IGSF11: variants seen among roughly 807,000 people sequenced by gnomAD.
The protein encoded by IGSF11 is CXADR like 1.
IGSF11 carries 22 observed loss-of-function variants against 41.0 expected under a neutral mutation model. That is an observed-to-expected ratio of 0.54 (90% CI 0.38 to 0.77). The LOEUF (loss-of-function observed/expected upper bound fraction) is 0.77. Ranked by LOEUF, IGSF11 falls within the 30% of genes least tolerant of loss-of-function variation. IGSF11 has a pLI of 0.00. For synonymous variants in IGSF11, 219 were observed against 201.3 expected, an observed-to-expected ratio of 1.09 and a Z score of -0.74; for missense variants, 444 against 530.8, an observed-to-expected ratio of 0.84 and a Z score of 1.61.
At chr3:119,121,010 A>C (rs2107529637) in intron 1 of IGSF11, among the ~76,000 whole-genome samples, 1 of 152,150 alleles carries the variant, frequency 6.6e-6, no homozygotes, top group African/African-American at 2.4e-5. Context: ...ATTAATACAG[A>C]AAAATCAAAC....
At chr3:119,107,427 T>C (rs2077052243), upstream of IGSF11, among the ~76,000 whole-genome samples, 1 of 152,218 alleles carries the variant, frequency 6.6e-6, no homozygotes, top group African/African-American at 2.4e-5. Context: ...CACTTTTTGA[T>C]GGGGTTGTTT....
upstream of IGSF11, among the ~76,000 whole-genome samples, chr3:119,107,243 G>C (rs538673214): frequency 1.3e-5 from 2 of 152,272 alleles, no homozygotes; most frequent in East Asian, 1.9e-4. Flanking sequence ...ATCCTCTCCA[G>C]CACCTGTTGT....
At chr3:119,074,872 CA>C (rs766398715) in intron 1 of IGSF11, among the ~76,000 whole-genome samples, 5 of 150,516 alleles carry the variant, frequency 3.3e-5, no homozygotes, top group Admixed American at 6.6e-5. Context: ...ATAAAATAAA[CA>C]AAAAAAAAGT....
At chr3:118,916,877 T>C (rs1168296349) in intron 4 of IGSF11, among the ~76,000 whole-genome samples, 1 of 151,820 alleles carries the variant, frequency 6.6e-6, no homozygotes, top group African/African-American at 2.4e-5. Context: ...CCTCAGCAAA[T>C]GTGAAAGAAC....
intron 1 of IGSF11, among the ~76,000 whole-genome samples, chr3:119,064,137 T>A (rs959523651): frequency 3.9e-5 from 6 of 152,208 alleles, no homozygotes; most frequent in African/African-American, 9.6e-5. Flanking sequence ...GATCAGAGAC[T>A]ACAACAAAGT....
chr3:119,111,679 G>C (rs2077163878), intron 1 of IGSF11, among the ~76,000 whole-genome samples: 1 of 152,200 alleles, frequency 6.6e-6, no homozygotes. Context: ...GCTTTTTAGA[G>C]TTTCCAGTTT....
chr3:118,963,206 G>A (rs1473475219), intron 1 of IGSF11, among the ~76,000 whole-genome samples: 3 of 152,264 alleles, frequency 2.0e-5, no homozygotes, highest in African/African-American at 4.8e-5. Flanking sequence ...AATCTCAGAG[G>A]TAAAACTCAA....
chr3:119,078,058 T>G (rs2076529225), intron 1 of IGSF11, among the ~76,000 whole-genome samples: 1 of 152,188 alleles, frequency 6.6e-6, no homozygotes, highest in Non-Finnish European at 1.5e-5. Context: ...TGCTCATGAC[T>G]AGAAAACATC....
intron 1 of IGSF11, among the ~76,000 whole-genome samples, chr3:119,017,529 C>T (rs888755569): frequency 3.3e-5 from 5 of 152,128 alleles, no homozygotes; most frequent in African/African-American, 7.2e-5. Context: ...CTGTATTTTC[C>T]TCTTCTCTGT....
chr3:118,905,765 CA>C (rs1356004586), intron 4 of IGSF11, 47 bp from the exon 5 acceptor site: 1 of 1,605,828 alleles, frequency 6.2e-7, no homozygotes, highest in South Asian at 1.1e-5. Context: ...GGACTAATAG[CA>C]AAACCAAAGA....
At chr3:119,115,160 C>T (rs919723034) in intron 1 of IGSF11, among the ~76,000 whole-genome samples, 7 of 152,310 alleles carry the variant, frequency 4.6e-5, no homozygotes, top group Admixed American at 3.3e-4. Flanking sequence ...CCATATCCCT[C>T]AGGTTGCTTC....
intron 1 of IGSF11, among the ~76,000 whole-genome samples, chr3:119,143,473 T>C (rs59415421): frequency 1.6e-3 from 248 of 151,964 alleles, no homozygotes; most frequent in African/African-American, 5.8e-3. Flanking sequence ...TAAAAATATA[T>C]ATACAGAAAA....
At chr3:118,994,592 A>G (rs1936092374) in intron 1 of IGSF11, among the ~76,000 whole-genome samples, 1 of 152,196 alleles carries the variant, frequency 6.6e-6, no homozygotes, top group African/African-American at 2.4e-5. Context: ...TGGGAGGTTG[A>G]GCCTGCAGTG....
At chr3:119,087,629 G>A (rs2076698342) in intron 1 of IGSF11, among the ~76,000 whole-genome samples, 1 of 152,052 alleles carries the variant, frequency 6.6e-6, no homozygotes, top group Non-Finnish European at 1.5e-5. Context: ...GGGGGAAAGG[G>A]TGGGGGATGG....
intron 1 of IGSF11, among the ~76,000 whole-genome samples, chr3:118,935,941 G>A (rs978321961): frequency 2.6e-5 from 4 of 152,078 alleles, no homozygotes; most frequent in Non-Finnish European, 4.4e-5. Flanking sequence ...GAATTTAAAG[G>A]TATGCAGAAG....
At chr3:119,055,394 G>A (rs150667843) in intron 1 of IGSF11, among the ~76,000 whole-genome samples, 1 of 152,154 alleles carries the variant, frequency 6.6e-6, no homozygotes, top group South Asian at 2.1e-4. Flanking sequence ...TAACGCTAAA[G>A]GGATCAATTC....
At chr3:119,062,007 C>T (rs546590379) in intron 1 of IGSF11, among the ~76,000 whole-genome samples, 29 of 152,066 alleles carry the variant, frequency 1.9e-4, no homozygotes, top group Non-Finnish European at 2.6e-4. Flanking sequence ...AGTCACTTAA[C>T]CTCTGTATAT....
At chr3:119,036,709 AAT>A (rs1218822783), upstream of IGSF11, among the ~76,000 whole-genome samples, 2 of 152,040 alleles carry the variant, frequency 1.3e-5, no homozygotes, top group Non-Finnish European at 2.9e-5. Context: ...AAAAAAAAAA[AAT>A]GACCCCTGAC....
chr3:119,067,815 G>A (rs1037989501), intron 1 of IGSF11, among the ~76,000 whole-genome samples: 1 of 152,096 alleles, frequency 6.6e-6, no homozygotes, highest in African/African-American at 2.4e-5. Context: ...GGAGGCATTT[G>A]TTCATTCACC....
Sources: allele counts gnomAD v4.1 joint callset (sites outside exome capture counted in the v4.1 genomes callset), GRCh38; gene constraint gnomAD v4.1.1; transcripts MANE v1.5; gene names NCBI Gene and HGNC (gene_info 2026-07-23, HGNC 2026-07-21).